BLVRB: variants seen among roughly 807,000 people sequenced by gnomAD.
The protein encoded by BLVRB is biliverdin reductase B, also known as flavin reductase (NADPH).
Under a neutral mutation model 21.1 loss-of-function variants are expected in BLVRB, and 25 were observed. The observed-to-expected ratio is 1.19, with a 90% CI of 0.86 to 1.66. BLVRB has a LOEUF of 1.66. Among genes scored for constraint, BLVRB ranks in the 40% most tolerant of loss-of-function variants. BLVRB has a pLI of 0.00. For missense variants in BLVRB, 274 were observed against 282.7 expected (o/e 0.97, Z 0.22); for synonymous variants, 128 against 122.2 (o/e 1.05, Z -0.31).
rs546590496 is a variant in BLVRB, at chr19:40,458,948, C to T, written c.80-403G>A. ...GCTCAGGTGATCTGCCTGCCTCAGC[C>T]TCCCCATGAGCCACTGCGCCGTGGC... On this transcript the variant is annotated intron_variant, in intron 1 of 4. Coordinates refer to ENST00000263368, the MANE Select transcript of BLVRB (RefSeq NM_000713.3). 5.3e-5 allele frequency among the ~76,000 whole-genome samples: 8 copies of T among 152,050 alleles called. No individual in the cohort carries two copies. In the South Asian group the frequency reaches 1.7e-3, roughly 32 times the overall value.
At chr19:40,455,751 A>G (rs2079759664) in intron 3 of BLVRB, among the ~76,000 whole-genome samples, 1 of 152,162 alleles carries the variant, frequency 6.6e-6, no homozygotes, top group South Asian at 2.1e-4. Flanking sequence ...CAAAAACAAA[A>G]TCTATTTGTG....
chr19:40,452,735 C>T (rs1242344508), intron 3 of BLVRB, among the ~76,000 whole-genome samples: 7 of 151,978 alleles, frequency 4.6e-5, no homozygotes, highest in Admixed American at 4.6e-4. Context: ...CATGGTGGTG[C>T]ATGCCTGTAG....
At chr19:40,459,342 A>C (rs1249396558) in intron 1 of BLVRB, among the ~76,000 whole-genome samples, 1 of 83,734 alleles carries the variant, frequency 1.2e-5, no homozygotes, top group Non-Finnish European at 2.7e-5. Flanking sequence ...AAAAAAAAAA[A>C]AAAAAAAAAA....
At position 40,448,064 on chromosome 19, in the gene BLVRB, G is replaced by A. The variant is rs2079722118; in HGVS notation, c.464-18C>T. On this transcript the variant is annotated intron_variant, in intron 4 of 4. Transcript: ENST00000263368. ...CTGGTCTCCTATGAAGTAAAGACAA[G>A]AGGGGCTGGATAAAGCAGACACCTT... 2.5e-6 allele frequency: 4 copies of A among 1,605,894 alleles called. No individual in the cohort carries two copies. The highest frequency in any genetic ancestry group is 2.6e-6 in the Non-Finnish European group (3 of 1,173,476).
Position 40,458,198 on chromosome 19 carries a change from G to T in BLVRB, c.291C>A (p.Ala97=). Residue 97 remains alanine, a synonymous_variant, in exon 3 of 5, where the codon GCC becomes GCA. Transcript: ENST00000263368. The part of the protein sequence containing the change: ...MSEGARNIVA[A]MKAHGVDKVV... ...CCTTGTCCACACCATGAGCCTTCATGGCTGCCACAATGTTCCGGGCGCCCT... is the reference window on the plus strand; with the variant it reads ...CCTTGTCCACACCATGAGCCTTCATTGCTGCCACAATGTTCCGGGCGCCCT... 6.2e-7 allele frequency: 1 copy of T among 1,613,990 alleles called. No individual in the cohort carries two copies. The highest frequency in any genetic ancestry group is 8.5e-7 in the Non-Finnish European group (1 of 1,179,988).
chr19:40,454,670 C>G (rs545568633), intron 3 of BLVRB, among the ~76,000 whole-genome samples: 5 of 151,902 alleles, frequency 3.3e-5, no homozygotes, highest in Admixed American at 3.3e-4. Flanking sequence ...CTCAGCCTCC[C>G]GAGTAGCTGG....
chr19:40,452,435 C>T (rs1443284278), intron 3 of BLVRB, among the ~76,000 whole-genome samples: 1 of 151,996 alleles, frequency 6.6e-6, no homozygotes, highest in Non-Finnish European at 1.5e-5. Context: ...GCCTTAGCCT[C>T]CTGAGGAGCT....
At chr19:40,453,945 G>A (rs28427504) in intron 3 of BLVRB, among the ~76,000 whole-genome samples, 10,560 of 152,128 alleles carry the variant, frequency 0.069, 1,223 homozygotes, top group African/African-American at 0.24. Context: ...TGATTGCACC[G>A]CTGCACTCCA....
chr19:40,461,734 G>C (rs1173462106), intron 1 of BLVRB, among the ~76,000 whole-genome samples: 3 of 152,016 alleles, frequency 2.0e-5, no homozygotes, highest in African/African-American at 7.2e-5. Flanking sequence ...ACTCCTGACT[G>C]TGTGATCCAC....
chr19:40,455,025 T>C (rs1389848122), intron 3 of BLVRB, among the ~76,000 whole-genome samples: 2 of 152,008 alleles, frequency 1.3e-5, no homozygotes, highest in Admixed American at 1.3e-4. Flanking sequence ...GTATTTTTTT[T>C]TTGTAGAGAT....
chr19:40,451,253 T>A lies in BLVRB; in HGVS notation c.463+111A>T, dbSNP rs540246191. ...GCCAAATATATATGTCACAATATCA[T>A]AGGAAGGTTTGCAATTTTAGGGTGG... On this transcript the variant is annotated intron_variant, in intron 4 of 4. Coordinates refer to ENST00000263368, the MANE Select transcript of BLVRB (RefSeq NM_000713.3). The A allele has an allele frequency of 9.5e-6, 14 of 1,469,134 alleles. No homozygotes were observed. In the East Asian group the frequency reaches 3.0e-4, roughly 32 times the overall value. The allele number at this position is 1,469,134 out of a possible 1,614,324, so 91.0% of individuals were successfully genotyped here.
At chr19:40,463,997 GACCTCGTGATCC>G (rs1191535057) in intron 1 of BLVRB, among the ~76,000 whole-genome samples, 1 of 152,052 alleles carries the variant, frequency 6.6e-6, no homozygotes, top group Admixed American at 6.6e-5. Flanking sequence ...TCGAACTCCT[GACCTCGTGATCC>G]ACCTGCCTCA....
chr19:40,458,710 T>C (rs45479603), intron 1 of BLVRB, among the ~76,000 whole-genome samples, 165 bp from the exon 2 acceptor site: 3,347 of 152,204 alleles, frequency 0.022, 149 homozygotes, highest in African/African-American at 0.075. Flanking sequence ...TGTTTTGTTT[T>C]TGAGACAGGG....
chr19:40,461,035 A>G (rs966242755), intron 1 of BLVRB, among the ~76,000 whole-genome samples: 4 of 151,932 alleles, frequency 2.6e-5, no homozygotes, highest in Admixed American at 2.6e-4. Flanking sequence ...AAACCAAAAA[A>G]CCCAAAAAGA....
intron 3 of BLVRB, among the ~76,000 whole-genome samples, chr19:40,455,210 T>C (rs1237106409): frequency 3.9e-5 from 6 of 152,158 alleles, no homozygotes; most frequent in Non-Finnish European, 1.5e-5. Context: ...CCCCAAGCCC[T>C]AATGGATAAA....
intron 3 of BLVRB, among the ~76,000 whole-genome samples, chr19:40,452,163 C>G (rs2079742827): frequency 6.6e-6 from 1 of 152,112 alleles, no homozygotes. Flanking sequence ...CATGGCCAGC[C>G]CTCAAGGCCC....
chr19:40,465,613 C>T lies in BLVRB; in HGVS notation c.76G>A (p.Ala26Thr). The change falls in exon 1 of 5, where the codon GCA becomes ACA. Residue 26 changes from alanine to threonine, a missense_variant. Coordinates refer to ENST00000263368, the MANE Select transcript of BLVRB (RefSeq NM_000713.3). ...GLTTLAQAVQ[A>T]GYEVTVLVRD... ...CCCCGCCCGCCCCGGCTCATGCCTG[C>T]TTGCACCGCCTGCGCCAGGGTGGTG... 1 of 1,611,700 alleles carries T rather than the reference C, an allele frequency of 6.2e-7. No individual in the cohort carries two copies. Among genetic ancestry groups the T allele is most frequent in the South Asian group, 1.1e-5 (1 of 90,808 alleles).
chr19:40,452,550 G>C (rs2079744443), intron 3 of BLVRB, among the ~76,000 whole-genome samples: 1 of 151,116 alleles, frequency 6.6e-6, no homozygotes. Flanking sequence ...GCATGATACC[G>C]GCCAAGCCTG....
Position 40,448,010 on chromosome 19 carries a change from A to T in BLVRB, c.500T>A (p.Leu167Gln). ...QPLTGAYTVTLDGRGPSRVIS... is the reference protein window; with the variant it reads ...QPLTGAYTVTQDGRGPSRVIS... The stretch of plus-strand genomic sequence containing the variant: ...GACCCTTGAGGGCCCTCGTCCATCC[A>T]GGGTCACTGTGTACGCCCCAGTTAG... Residue 167 changes from leucine (L) to glutamine (Q), a missense_variant, in exon 5 of 5, where the codon CTG becomes CAG. Physicochemically the swap from Leu to Gln is moderately radical, Grantham distance 113 (BLOSUM62 -2). Transcript: ENST00000263368. The T allele has an allele frequency of 6.2e-7, 1 of 1,614,094 alleles. No homozygotes were observed. Among genetic ancestry groups the T allele is most frequent in the Non-Finnish European group, 8.5e-7 (1 of 1,180,010 alleles).
Sources: gnomAD v4.1 joint callset for allele counts (sites outside exome capture counted in the v4.1 genomes callset) on GRCh38, gnomAD v4.1.1 for gene constraint, MANE v1.5 for transcripts, NCBI Gene and HGNC (gene_info 2026-07-23, HGNC 2026-07-21) for gene names.